SGCZ: variants seen among roughly 807,000 people sequenced by gnomAD.
SGCZ encodes sarcoglycan zeta.
A neutral mutation model predicts 41.3 loss-of-function variants in SGCZ; 40 were observed. That is an observed-to-expected ratio of 0.97 (90% CI 0.75 to 1.26). The LOEUF is 1.26. Ranked by LOEUF, SGCZ falls within the 50% of genes most tolerant of loss-of-function variation. The pLI, the probability that SGCZ is intolerant of heterozygous loss-of-function variation, is 0.00. For synonymous variants in SGCZ, 206 were observed against 137.5 expected (o/e 1.50, Z -3.49); for missense variants, 552 against 369.8 (o/e 1.49, Z -4.04).
At chr8:14,810,900 C>A (rs1250629603) in intron 1 of SGCZ, among the ~76,000 whole-genome samples, 1 of 151,894 alleles carries the variant, frequency 6.6e-6, no homozygotes, top group Non-Finnish European at 1.5e-5. Context: ...GAGAATAAAT[C>A]CTCCTTTAAA....
intron 1 of SGCZ, among the ~76,000 whole-genome samples, chr8:14,739,557 G>C (rs1406431312): frequency 1.3e-5 from 2 of 151,932 alleles, no homozygotes; most frequent in African/African-American, 2.4e-5. Flanking sequence ...AAACTCTAAA[G>C]CAAAATTATT....
At chr8:15,200,089 G>A (rs186760294) in intron 1 of SGCZ, among the ~76,000 whole-genome samples, 2 of 152,268 alleles carry the variant, frequency 1.3e-5, no homozygotes, top group East Asian at 3.9e-4. Flanking sequence ...AACCAAAAGG[G>A]CCAACACTGT....
At chr8:14,733,455 C>G (rs1173170998) in intron 1 of SGCZ, among the ~76,000 whole-genome samples, 2 of 152,142 alleles carry the variant, frequency 1.3e-5, no homozygotes, top group African/African-American at 4.8e-5. Context: ...TCTTCTTTCC[C>G]GGCATTCATG....
chr8:15,005,717 G>C (rs978163986), intron 1 of SGCZ, among the ~76,000 whole-genome samples: 1 of 151,396 alleles, frequency 6.6e-6, no homozygotes, highest in Non-Finnish European at 1.5e-5. Context: ...TTAATTTAAA[G>C]TCTTCATAAG....
intron 1 of SGCZ, among the ~76,000 whole-genome samples, chr8:14,628,557 A>G (rs1308761138): frequency 6.6e-6 from 1 of 152,148 alleles, no homozygotes; most frequent in African/African-American, 2.4e-5. Flanking sequence ...CTAAGGAAGC[A>G]ATAGGTTCCA....
intron 1 of SGCZ, among the ~76,000 whole-genome samples, chr8:15,091,973 C>T (rs1375886229): frequency 6.6e-6 from 1 of 152,066 alleles, no homozygotes; most frequent in African/African-American, 2.4e-5. Flanking sequence ...AGGCTGGCCT[C>T]GAAATCCTGG....
At chr8:14,381,937 C>G (rs568985032) in intron 2 of SGCZ, among the ~76,000 whole-genome samples, 1 of 152,306 alleles carries the variant, frequency 6.6e-6, no homozygotes, top group African/African-American at 2.4e-5. Flanking sequence ...TTATACTTCA[C>G]CAGCCTTCTC....
At chr8:14,142,435 G>A (rs765129736) in intron 5 of SGCZ, among the ~76,000 whole-genome samples, 26 of 152,110 alleles carry the variant, frequency 1.7e-4, no homozygotes, top group Non-Finnish European at 1.3e-4. Flanking sequence ...CCACCATAAT[G>A]TGGAAAATAC....
intron 1 of SGCZ, among the ~76,000 whole-genome samples, chr8:14,751,838 T>C (rs763083952): frequency 9.2e-5 from 14 of 151,578 alleles, no homozygotes; most frequent in East Asian, 2.0e-4. Flanking sequence ...TGTGAGCCAC[T>C]GCACCCGGCC....
chr8:14,682,436 ATTTT>A (rs11448326), intron 1 of SGCZ, among the ~76,000 whole-genome samples: 2 of 141,644 alleles, frequency 1.4e-5, no homozygotes. Context: ...CTGCAATGCA[ATTTT>A]TTTTTTTTTT....
chr8:14,567,346 T>C (rs1257908972), intron 1 of SGCZ, among the ~76,000 whole-genome samples: 1 of 152,156 alleles, frequency 6.6e-6, no homozygotes, highest in Non-Finnish European at 1.5e-5. Flanking sequence ...AGCTAAGGGA[T>C]TGTGAATGCA....
chr8:14,992,300 T>C (rs1802041279), intron 1 of SGCZ, among the ~76,000 whole-genome samples: 1 of 147,280 alleles, frequency 6.8e-6, no homozygotes. Context: ...AAAACTAATG[T>C]TGGCATTGAT....
At position 14,105,999 on chromosome 8, in the gene SGCZ, A is replaced by C. The variant is rs60002016; in HGVS notation, c.620+2164T>G. ...AATAAATTGGTAAACAGCTGTGTCT[A>C]TATTAAAACACAGATGAAAAAAATT... On this transcript the variant is annotated intron_variant, in intron 6 of 7. Coordinates refer to ENST00000382080, the MANE Select transcript of SGCZ (RefSeq NM_139167.4). Among the ~76,000 whole-genome samples the C allele has an allele frequency of 8.8e-3, 1,337 of 152,230 alleles. 19 individuals carry two copies. The highest frequency in any genetic ancestry group is 0.03 in the African/African-American group (1,264 of 41,472).
intron 3 of SGCZ, among the ~76,000 whole-genome samples, chr8:14,270,850 A>G (rs182133036): frequency 1.3e-5 from 2 of 152,278 alleles, no homozygotes; most frequent in African/African-American, 4.8e-5. Flanking sequence ...CATATACACC[A>G]TGGAATACTA....
chr8:14,805,553 A>T (rs1801491802), intron 1 of SGCZ, among the ~76,000 whole-genome samples: 1 of 135,954 alleles, frequency 7.4e-6, no homozygotes, highest in African/African-American at 2.5e-5. Context: ...ATATGCACCC[A>T]ATACAGGAGC....
Position 15,162,844 on chromosome 8 carries a change from C to T in SGCZ, c.39+74741G>A, listed in dbSNP as rs576589080. On this transcript the variant is annotated intron_variant, in intron 1 of 7. Coordinates refer to ENST00000382080, the MANE Select transcript of SGCZ (RefSeq NM_139167.4). ...AAAAGTGAAAGTTTATAAACATTTC[C>T]TAAACATTTATCCTACAATAGCAAG... Among the ~76,000 whole-genome samples, 32 of 152,184 alleles carry T rather than the reference C, an allele frequency of 2.1e-4. No individual in the cohort carries two copies. The South Asian group carries it at 4.6e-3, about 22-fold the overall frequency.
At chr8:15,107,224 C>T (rs1239999938) in intron 1 of SGCZ, among the ~76,000 whole-genome samples, 1 of 152,094 alleles carries the variant, frequency 6.6e-6, no homozygotes, top group Admixed American at 6.6e-5. Flanking sequence ...TTTTAGAACT[C>T]TTTTGTTCTC....
At chr8:14,245,858 A>G (rs1337695650) in intron 3 of SGCZ, among the ~76,000 whole-genome samples, 1 of 152,226 alleles carries the variant, frequency 6.6e-6, no homozygotes, top group Non-Finnish European at 1.5e-5. Context: ...GCTCATCATC[A>G]CTGGCCATCA....
intron 1 of SGCZ, among the ~76,000 whole-genome samples, chr8:14,790,027 A>G (rs1800897331): frequency 6.6e-6 from 1 of 152,226 alleles, no homozygotes; most frequent in Non-Finnish European, 1.5e-5. Context: ...ATGTAAATTG[A>G]ATACTTAAAT....
Sources: gnomAD v4.1 joint callset for allele counts (sites outside exome capture counted in the v4.1 genomes callset) on GRCh38, gnomAD v4.1.1 for gene constraint, MANE v1.5 for transcripts, NCBI Gene and HGNC (gene_info 2026-07-23, HGNC 2026-07-21) for gene names.